The following ARMC9 variants were observed in gnomAD, a reference collection of about 807,000 sequenced individuals.
The protein encoded by ARMC9 is lisH domain-containing protein ARMC9.
ARMC9 carries 94 observed loss-of-function variants against 107.0 expected under a neutral mutation model. The observed-to-expected ratio is 0.88, with a 90% CI of 0.74 to 1.04. The LOEUF (loss-of-function observed/expected upper bound fraction) is 1.04. Among genes scored for constraint, ARMC9 ranks in the 50% least tolerant of loss-of-function variants. The pLI is 0.00. For missense variants in ARMC9, 942 were observed against 1,030.1 expected (o/e 0.91, Z 1.17); for synonymous variants, 380 against 396.9 (o/e 0.96, Z 0.51).
chr2:231,332,579 C>T (rs1385963826), intron 20 of ARMC9, among the ~76,000 whole-genome samples: 1 of 152,132 alleles, frequency 6.6e-6, no homozygotes, highest in Non-Finnish European at 1.5e-5. Context: ...GATGCTCAGC[C>T]AGCTCCAGAA....
intron 9 of ARMC9, among the ~76,000 whole-genome samples, chr2:231,248,806 CAAAAAAAAAAA>C (rs35234269): frequency 5.3e-5 from 2 of 38,026 alleles, no homozygotes; most frequent in Admixed American, 3.4e-4. Context: ...GGTTCTGTCT[CAAAAAAAAAAA>C]AAAAAAAAAA....
chr2:231,339,765 C>T (rs1295189566), intron 20 of ARMC9, among the ~76,000 whole-genome samples: 1 of 152,246 alleles, frequency 6.6e-6, no homozygotes, highest in Non-Finnish European at 1.5e-5. Context: ...AACCGTATCT[C>T]TACTTAAAAT....
At chr2:231,317,440 G>A (rs2042763860) in intron 19 of ARMC9, among the ~76,000 whole-genome samples, 1 of 152,078 alleles carries the variant, frequency 6.6e-6, no homozygotes, top group Non-Finnish European at 1.5e-5. Context: ...CAAAGTGCTA[G>A]GATTACAGGT....
chr2:231,330,890 G>A (rs978972049), intron 19 of ARMC9, among the ~76,000 whole-genome samples: 1 of 152,164 alleles, frequency 6.6e-6, no homozygotes, highest in African/African-American at 2.4e-5. Context: ...TTTCTGGGTT[G>A]TTGGTTTCTT....
At chr2:231,237,003 C>A (rs2035773111) in intron 8 of ARMC9, among the ~76,000 whole-genome samples, 1 of 152,150 alleles carries the variant, frequency 6.6e-6, no homozygotes, top group South Asian at 2.1e-4. Flanking sequence ...TCTTTACTAG[C>A]CTTTCTAATG....
At chr2:231,294,924 A>G (rs1315843599) in intron 18 of ARMC9, 1 of 152,222 alleles carries the variant, frequency 6.6e-6, no homozygotes, top group East Asian at 1.9e-4. Flanking sequence ...CTCAGTGAGC[A>G]GGGGGACACT....
intron 24 of ARMC9, chr2:231,370,794 C>G (rs2045987529): frequency 5.5e-5 from 14 of 254,046 alleles, no homozygotes; most frequent in South Asian, 5.4e-4. Flanking sequence ...CCCAACTGAG[C>G]TGAACCTTTC....
intron 11 of ARMC9, among the ~76,000 whole-genome samples, chr2:231,259,757 C>A (rs2038165408): frequency 6.6e-6 from 1 of 152,182 alleles, no homozygotes; most frequent in South Asian, 2.1e-4. Flanking sequence ...CACTGGCAGG[C>A]CGAGGCAGGT....
At position 231,349,468 on chromosome 2, in the gene ARMC9, G is replaced by T. The variant is rs987967037; in HGVS notation, c.1994+4378G>T. Among the ~76,000 whole-genome samples, 9 of 151,982 alleles carry T rather than the reference G, an allele frequency of 5.9e-5. 1 individual carries two copies. The highest frequency in any genetic ancestry group is 3.9e-4 in the East Asian group (2 of 5,192). On this transcript the variant is annotated intron_variant, in intron 21 of 24. Transcript: ENST00000611582. ...GTGGTGGCTAGGGGAGTTGGAGAAG[G>T]TTAATGGTGCCAAAAAAACACATAA...
intron 20 of ARMC9, among the ~76,000 whole-genome samples, chr2:231,341,908 G>T (rs80108640): frequency 2.0e-5 from 3 of 152,042 alleles, no homozygotes; most frequent in African/African-American, 7.3e-5. Flanking sequence ...AATAATCTCC[G>T]TCTGTAACAC....
At chr2:231,276,224 G>C (rs1466926191) in intron 14 of ARMC9, among the ~76,000 whole-genome samples, 1 of 151,366 alleles carries the variant, frequency 6.6e-6, no homozygotes, top group African/African-American at 2.4e-5. Flanking sequence ...CAGAGTCTAT[G>C]TCTTCTGTAA....
intron 21 of ARMC9, among the ~76,000 whole-genome samples, chr2:231,350,174 C>T (rs952735639): frequency 8.6e-5 from 13 of 151,504 alleles, no homozygotes; most frequent in East Asian, 2.0e-4. Context: ...TACAGGCACC[C>T]GCCACCACAC....
chr2:231,280,625 T>C lies in ARMC9; in HGVS notation c.1552-1434T>C, dbSNP rs183579984. ...GACAAAACCAAAATAAAGAAAAAGATGCACATAACTGACTATATGAACATT... is the reference window on the plus strand; with the variant it reads ...GACAAAACCAAAATAAAGAAAAAGACGCACATAACTGACTATATGAACATT... On this transcript the variant is annotated intron_variant, in intron 16 of 24. Transcript: ENST00000611582. 3.9e-3 allele frequency among the ~76,000 whole-genome samples: 592 copies of C among 152,132 alleles called. 6 individuals carry two copies. Among genetic ancestry groups the C allele is most frequent in the Non-Finnish European group, 3.8e-3 (261 of 68,016 alleles).
intron 11 of ARMC9, 70 bp from the exon 12 acceptor site, chr2:231,262,236 C>A: frequency 7.0e-7 from 1 of 1,424,332 alleles, no homozygotes; most frequent in Non-Finnish European, 9.9e-7. Context: ...ATCTAAAACA[C>A]ACCTGCTATG....
At chr2:231,354,737 G>A (rs189384774) in intron 21 of ARMC9, among the ~76,000 whole-genome samples, 2 of 152,322 alleles carry the variant, frequency 1.3e-5, no homozygotes, top group South Asian at 2.1e-4. Flanking sequence ...GCCCTAGGCA[G>A]GCATGAGCTT....
intron 8 of ARMC9, among the ~76,000 whole-genome samples, chr2:231,236,724 T>A (rs993601052): frequency 6.6e-6 from 1 of 152,208 alleles, no homozygotes; most frequent in Non-Finnish European, 1.5e-5. Context: ...GCAGATCATC[T>A]GAGGTCAGGA....
intron 17 of ARMC9, among the ~76,000 whole-genome samples, chr2:231,289,974 A>G (rs1000297400): frequency 2.0e-5 from 3 of 152,218 alleles, no homozygotes; most frequent in African/African-American, 7.2e-5. Flanking sequence ...CCATTTATCA[A>G]GCATCCACTC....
At position 231,371,602 on chromosome 2, in the gene ARMC9, C is replaced by A; in HGVS notation, c.*67C>A. 1 of 1,215,780 alleles carries A rather than the reference C, an allele frequency of 8.2e-7. No individual in the cohort carries two copies. The allele number at this position is 1,215,780 out of a possible 1,614,324, so 75.3% of individuals were successfully genotyped here. On this transcript the variant is annotated 3_prime_UTR_variant, in exon 25 of 25. Transcript: ENST00000611582. ...CCAGCTTCCCGCTCTCAGCTGGCAG[C>A]AGCTGCCGGTGATGGATGTGAAGGG...
intron 8 of ARMC9, among the ~76,000 whole-genome samples, chr2:231,237,204 G>GTGTA (rs1246030699): frequency 1.3e-5 from 2 of 151,666 alleles, no homozygotes; most frequent in African/African-American, 2.4e-5. Flanking sequence ...GTGTGTGTGT[G>GTGTA]TGTACACACA....
Sources: allele counts gnomAD v4.1 joint callset (sites outside exome capture counted in the v4.1 genomes callset), GRCh38; gene constraint gnomAD v4.1.1; transcripts MANE v1.5; gene names NCBI Gene and HGNC (gene_info 2026-07-23, HGNC 2026-07-21).